Variants in SND1 observed in about 807,000 individuals in gnomAD.
The protein encoded by SND1 is staphylococcal nuclease domain-containing protein 1.
In SND1, 38 loss-of-function variants were observed where a neutral mutation model predicts 121.7. The ratio of observed to expected loss-of-function variants is 0.31; its 90% CI spans 0.24 to 0.41. The LOEUF is 0.41. Ranked by LOEUF, SND1 falls within the 10% of genes least tolerant of loss-of-function variation. SND1 has a pLI of 1.00. For synonymous variants in SND1, 401 were observed against 447.4 expected, an observed-to-expected ratio of 0.90 and a Z score of 1.31; for missense variants, 868 against 1,184.6, an observed-to-expected ratio of 0.73 and a Z score of 3.92.
In SND1 at chr7:127,665,148, T is replaced by TACCA. The variant is rs1375295330; in HGVS notation, c.78+12698_78+12701dup. Among the ~76,000 whole-genome samples the TACCA allele has an allele frequency of 4.6e-5, 7 of 152,252 alleles. No homozygotes were observed. In the East Asian group the frequency reaches 1.4e-3, roughly 29 times the overall value. ...CTGTACTCCTGCAGTGGTTTTGACATACCACTTTATTGAGTTTTGGAAATC... is the reference window on the plus strand; with the variant it reads ...CTGTACTCCTGCAGTGGTTTTGACATACCAACCACTTTATTGAGTTTTGGAAATC... On this transcript the variant is annotated intron_variant, in intron 1 of 23. Transcript: ENST00000354725.
At chr7:127,943,702 T>C (rs975866904) in intron 15 of SND1, among the ~76,000 whole-genome samples, 8 of 152,138 alleles carry the variant, frequency 5.3e-5, no homozygotes, top group Non-Finnish European at 2.9e-5. Flanking sequence ...TTGGCTGGCA[T>C]TACCTGTGCA....
At chr7:127,675,121 G>T (rs998624497) in intron 1 of SND1, among the ~76,000 whole-genome samples, 3 of 152,164 alleles carry the variant, frequency 2.0e-5, no homozygotes, top group Non-Finnish European at 2.9e-5. Flanking sequence ...GAATCGCTTG[G>T]GCCTGGAAGG....
chr7:127,657,929 G>A (rs1795239998), intron 1 of SND1, among the ~76,000 whole-genome samples: 1 of 152,206 alleles, frequency 6.6e-6, no homozygotes, highest in South Asian at 2.1e-4. Flanking sequence ...AAGGAAGAGA[G>A]GCAGTGGAGA....
At position 128,085,782 on chromosome 7, in the gene SND1, T is replaced by TGAGTGTTGGGGACCA; in HGVS notation, c.2304+12_2304+26dup. 6.2e-7 allele frequency: 1 copy of TGAGTGTTGGGGACCA among 1,613,660 alleles called. No homozygotes were observed. Among genetic ancestry groups the TGAGTGTTGGGGACCA allele is most frequent in the Non-Finnish European group, 8.5e-7 (1 of 1,179,676 alleles). On this transcript the variant is annotated splice_region_variant and intron_variant, in intron 20 of 23. Coordinates refer to ENST00000354725, the MANE Select transcript of SND1 (RefSeq NM_014390.4). This position sits in a 1 kb window ranked among gnomAD's most constrained non-coding sequence, Gnocchi z 4.4. ...GTCTTCTACATTGACTACGGCAACGTGAGTGTTGGGGACCAGAGTGTTGGA... is the reference window on the plus strand; with the variant it reads ...GTCTTCTACATTGACTACGGCAACGTGAGTGTTGGGGACCAGAGTGTTGGGGACCAGAGTGTTGGA...
chr7:128,030,940 C>T (rs933322423), intron 16 of SND1: 3 of 284,486 alleles, frequency 1.1e-5, no homozygotes, highest in Non-Finnish European at 1.3e-5. Context: ...AAAGCACTGG[C>T]GTGGTGTCCT....
intron 12 of SND1, among the ~76,000 whole-genome samples, chr7:127,857,215 T>A: frequency 8.6e-6 from 1 of 115,882 alleles, no homozygotes; most frequent in African/African-American, 3.2e-5. Context: ...TTTTTTGAGA[T>A]GGAGTCTCAC....
intron 13 of SND1, among the ~76,000 whole-genome samples, chr7:127,903,504 T>A (rs531004441): frequency 2.6e-5 from 4 of 152,234 alleles, no homozygotes; most frequent in African/African-American, 9.6e-5. Context: ...AACTAGATAG[T>A]AGGAAAACTT....
At chr7:127,733,658 A>T (rs749994489) in intron 10 of SND1, among the ~76,000 whole-genome samples, 1 of 152,188 alleles carries the variant, frequency 6.6e-6, no homozygotes, top group Non-Finnish European at 1.5e-5. Flanking sequence ...TTTGCTACAA[A>T]CGAGCTCCAA....
rs201531475 is a variant in SND1, at chr7:127,807,536, C to T, written c.1205C>T (p.Ala402Val). The stretch of plus-strand genomic sequence containing the variant: ...TATGACATTCCTTACATGTTTGAGG[C>T]CCGGGAATTTCTTCGAAAAAAGCTT... ...PLYDIPYMFEAREFLRKKLIG... is the reference protein window; with the variant it reads ...PLYDIPYMFEVREFLRKKLIG... Residue 402 changes from alanine (A) to valine (V), a missense_variant, in exon 11 of 24, where the codon GCC (alanine) becomes GTC (valine). Ala to Val is a moderately conservative substitution (Grantham distance 64). Transcript: ENST00000354725. 7.4e-6 allele frequency: 12 copies of T among 1,613,826 alleles called. No homozygotes were observed. Among genetic ancestry groups the T allele is most frequent in the East Asian group, 2.2e-5 (1 of 44,884 alleles).
At chr7:127,773,463 A>G (rs1424729167) in intron 10 of SND1, among the ~76,000 whole-genome samples, 1 of 152,188 alleles carries the variant, frequency 6.6e-6, no homozygotes, top group East Asian at 1.9e-4. Context: ...AAAAAAAAAA[A>G]AAATTCTTAT....
intron 15 of SND1, among the ~76,000 whole-genome samples, chr7:127,984,143 A>T (rs568009076): frequency 8.6e-5 from 13 of 152,028 alleles, no homozygotes; most frequent in Non-Finnish European, 1.9e-4. Context: ...CTGCATTTCC[A>T]TGTGGCCACA....
Position 127,822,584 on chromosome 7 carries a change from A to C in SND1, c.1242+15011A>C, listed in dbSNP as rs553651928. Among the ~76,000 whole-genome samples, 4 of 152,268 alleles carry C rather than the reference A, an allele frequency of 2.6e-5. No individual in the cohort carries two copies. In the South Asian group the frequency reaches 8.3e-4, roughly 32 times the overall value. On this transcript the variant is annotated intron_variant, in intron 11 of 23. Coordinates refer to ENST00000354725, the MANE Select transcript of SND1 (RefSeq NM_014390.4). Reference sequence around the variant, plus strand: ...ATCATAAAAGCACTTGTTTATTCTAAAAATGTTTTTTGAAAAAAAGAGAAG... The same window carrying C: ...ATCATAAAAGCACTTGTTTATTCTACAAATGTTTTTTGAAAAAAAGAGAAG...
At chr7:127,958,544 C>A (rs1251159463) in intron 15 of SND1, among the ~76,000 whole-genome samples, 2 of 152,162 alleles carry the variant, frequency 1.3e-5, no homozygotes, top group Non-Finnish European at 2.9e-5. Flanking sequence ...TAAATAGAGT[C>A]ATGTAAGGCT....
At chr7:127,970,845 C>T (rs960182516) in intron 15 of SND1, among the ~76,000 whole-genome samples, 9 of 152,196 alleles carry the variant, frequency 5.9e-5, no homozygotes, top group South Asian at 2.1e-4. Context: ...TATGGTGGCT[C>T]ATGCCTATAA....
chr7:127,951,961 A>T (rs1408631281), intron 15 of SND1, among the ~76,000 whole-genome samples: 1 of 152,110 alleles, frequency 6.6e-6, no homozygotes, highest in South Asian at 2.1e-4. Flanking sequence ...TTCATCCTTC[A>T]CTTCTCAGTT....
chr7:127,917,345 T>C (rs1299556069), intron 14 of SND1, among the ~76,000 whole-genome samples: 1 of 152,218 alleles, frequency 6.6e-6, no homozygotes, highest in Admixed American at 6.5e-5. Context: ...CATTATTGTT[T>C]AAGCTTGTTT....
At chr7:127,754,266 G>T (rs964635724) in intron 10 of SND1, among the ~76,000 whole-genome samples, 2 of 152,070 alleles carry the variant, frequency 1.3e-5, no homozygotes, top group South Asian at 4.1e-4. Flanking sequence ...TCTTAAAGTG[G>T]GCCATCATGC....
chr7:127,925,384 T>C (rs1800807418), intron 14 of SND1, among the ~76,000 whole-genome samples: 1 of 152,170 alleles, frequency 6.6e-6, no homozygotes, highest in Non-Finnish European at 1.5e-5. Context: ...CTCAAAGCTA[T>C]GAGCCAACAT....
intron 13 of SND1, chr7:127,904,372 T>C (rs887829057): frequency 6.3e-5 from 10 of 158,062 alleles, no homozygotes; most frequent in African/African-American, 2.2e-4. Context: ...AAATGTTTCA[T>C]GTGATTAAAC....
Sources: gnomAD v4.1 joint callset for allele counts (sites outside exome capture counted in the v4.1 genomes callset) on GRCh38, gnomAD v4.1.1 for gene constraint, Gnocchi (gnomAD v3.1) non-coding constraint, MANE v1.5 for transcripts, NCBI Gene and HGNC (gene_info 2026-07-23, HGNC 2026-07-21) for gene names.